SYT14: variants seen among roughly 807,000 people sequenced by gnomAD.
The protein encoded by SYT14 is synaptotagmin-14.
Under a neutral mutation model 74.2 loss-of-function variants are expected in SYT14, and 32 were observed. The observed-to-expected ratio is 0.43, with a 90% confidence interval of 0.33 to 0.58. SYT14 has a LOEUF of 0.58. Ranked by LOEUF, SYT14 falls within the 20% of genes least tolerant of loss-of-function variation. SYT14 has a pLI of 0.05. For synonymous variants in SYT14, 298 were observed against 337.7 expected (o/e 0.88, Z 1.29); for missense variants, 791 against 981.8 (o/e 0.81, Z 2.60).
At chr1:210,078,795 G>A (rs1205083624) in intron 5 of SYT14, among the ~76,000 whole-genome samples, 1 of 150,942 alleles carries the variant, frequency 6.6e-6, no homozygotes, top group Non-Finnish European at 1.5e-5. Context: ...CGCCCAGGCT[G>A]GAGTGCACTG....
At chr1:210,086,579 C>G (rs1054293803) in intron 5 of SYT14, among the ~76,000 whole-genome samples, 8 of 152,194 alleles carry the variant, frequency 5.3e-5, no homozygotes, top group Admixed American at 2.0e-4. Context: ...TACCTGGCCT[C>G]ACCCTGGAAT....
rs1010974196 is a variant in SYT14, at chr1:210,124,382, TAAAG to T, written c.2034+23929_2034+23932del. 3.9e-5 allele frequency among the ~76,000 whole-genome samples: 6 copies of T among 151,924 alleles called. No homozygotes were observed. In the East Asian group the frequency reaches 5.8e-4, roughly 15 times the overall value. On this transcript the variant is annotated intron_variant, in intron 7 of 9. Coordinates refer to ENST00000637265, the Ensembl canonical transcript of SYT14. ...TAACATATGACTAACAGGTGATTCA[TAAAG>T]AAAGAAAACAGAGGGGAGGAAGTTG...
chr1:210,088,881 TA>T (rs756993516), intron 5 of SYT14, among the ~76,000 whole-genome samples: 25 of 140,346 alleles, frequency 1.8e-4, no homozygotes, highest in Admixed American at 4.9e-4. Context: ...CTCTTCAGGA[TA>T]TTTTTTTTTT....
At chr1:210,137,455 G>T (rs2082810122) in intron 7 of SYT14, among the ~76,000 whole-genome samples, 1 of 152,132 alleles carries the variant, frequency 6.6e-6, no homozygotes, top group South Asian at 2.1e-4. Flanking sequence ...AAGGGATTTA[G>T]ACTTCTTAGT....
exon 8 of SYT14, chr1:210,155,876 C>T: frequency 6.2e-7 from 1 of 1,614,004 alleles, no homozygotes. Flanking sequence ...TAAAAGGCAG[C>T]CACTTCAAAA....
At chr1:210,031,110 T>G (rs1256052879) in intron 5 of SYT14, among the ~76,000 whole-genome samples, 2 of 149,520 alleles carry the variant, frequency 1.3e-5, no homozygotes, top group Admixed American at 1.3e-4. Flanking sequence ...TTTTTTTTTT[T>G]GGTAGAGATT....
intron 7 of SYT14, among the ~76,000 whole-genome samples, chr1:210,121,530 C>T (rs779919848): frequency 4.3e-4 from 65 of 152,244 alleles, no homozygotes; most frequent in Non-Finnish European, 4.3e-4. Flanking sequence ...CGCGGTGGCT[C>T]ACACCTGTAA....
chr1:209,976,966 T>A (rs1398230702), intron 2 of SYT14, among the ~76,000 whole-genome samples: 13 of 152,178 alleles, frequency 8.5e-5, no homozygotes, highest in Admixed American at 8.5e-4. Context: ...GTAATGGCCT[T>A]CTTTGTCTCT....
At chr1:210,059,796 A>G (rs956204261) in intron 5 of SYT14, among the ~76,000 whole-genome samples, 1 of 152,044 alleles carries the variant, frequency 6.6e-6, no homozygotes, top group South Asian at 2.1e-4. Context: ...AGAAATTTGG[A>G]TTGTTACATT....
chr1:209,959,702 A>G (rs1449018461), intron 2 of SYT14, among the ~76,000 whole-genome samples: 8 of 152,234 alleles, frequency 5.3e-5, no homozygotes, highest in Non-Finnish European at 1.2e-4. Flanking sequence ...GATTTCATTC[A>G]TATGAAATGT....
chr1:209,978,976 G>A (rs949958663), intron 2 of SYT14, among the ~76,000 whole-genome samples: 1 of 152,210 alleles, frequency 6.6e-6, no homozygotes, highest in Non-Finnish European at 1.5e-5. Flanking sequence ...GAATCAGCGA[G>A]GCTCCGTGGG....
At chr1:210,151,776 G>A (rs1005350239) in intron 7 of SYT14, among the ~76,000 whole-genome samples, 4 of 152,154 alleles carry the variant, frequency 2.6e-5, no homozygotes, top group African/African-American at 9.7e-5. Flanking sequence ...GATCAACAAG[G>A]ATCTTAATGC....
chr1:209,976,192 T>A (rs1400784785), intron 2 of SYT14, among the ~76,000 whole-genome samples: 2 of 152,084 alleles, frequency 1.3e-5, no homozygotes, highest in Non-Finnish European at 2.9e-5. Context: ...GTTTTTTGTG[T>A]CTCTATTTCC....
chr1:209,977,364 T>C (rs193249156), intron 2 of SYT14, among the ~76,000 whole-genome samples: 1 of 152,346 alleles, frequency 6.6e-6, no homozygotes, highest in African/African-American at 2.4e-5. Context: ...TTTCCATGTT[T>C]AGTGCTTCCT....
intron 2 of SYT14, among the ~76,000 whole-genome samples, chr1:210,010,419 C>T (rs963265455): frequency 5.3e-5 from 8 of 151,996 alleles, no homozygotes; most frequent in African/African-American, 1.9e-4. Context: ...TGATTATTGC[C>T]CATTAGTGCT....
At chr1:210,149,816 T>C (rs903281251) in intron 7 of SYT14, among the ~76,000 whole-genome samples, 2 of 152,168 alleles carry the variant, frequency 1.3e-5, no homozygotes, top group African/African-American at 4.8e-5. Context: ...CAAGAGCCTG[T>C]GGAGGGTACT....
rs77506712 is a variant in SYT14, at chr1:210,154,110, A to G, written c.2035-1611A>G. Among the ~76,000 whole-genome samples the G allele has an allele frequency of 5.7e-3, 870 of 152,210 alleles. 10 individuals are homozygous for G. The highest frequency in any genetic ancestry group is 0.02 in the African/African-American group (846 of 41,540). On this transcript the variant is annotated intron_variant, in intron 7 of 9. Transcript: ENST00000637265. Reference sequence around the variant, plus strand: ...GAAGCCATCTAGGCCAAAGTTTCTTATTTTTGTTTTGTATGTGTATTTTGG... The same window carrying G: ...GAAGCCATCTAGGCCAAAGTTTCTTGTTTTTGTTTTGTATGTGTATTTTGG...
intron 2 of SYT14, among the ~76,000 whole-genome samples, chr1:209,983,363 T>C (rs918082084): frequency 5.3e-5 from 8 of 152,182 alleles, no homozygotes; most frequent in African/African-American, 1.9e-4. Context: ...TGATGGTATC[T>C]CACAGGCCCT....
intron 7 of SYT14, among the ~76,000 whole-genome samples, chr1:210,154,711 T>A (rs1226836980): frequency 2.0e-5 from 3 of 152,110 alleles, no homozygotes; most frequent in Admixed American, 1.3e-4. Context: ...ACCTTTAATT[T>A]CCAAAAAATA....
Sources: gnomAD v4.1 joint callset for allele counts (sites outside exome capture counted in the v4.1 genomes callset) on GRCh38, gnomAD v4.1.1 for gene constraint, MANE v1.5 for transcripts, NCBI Gene and HGNC (gene_info 2026-07-23, HGNC 2026-07-21) for gene names.